The following RGS7 variants were observed in gnomAD, a reference collection of about 807,000 sequenced individuals.
RGS7 encodes the protein regulator of G-protein signaling 7.
RGS7 carries 27 observed loss-of-function variants against 81.1 expected under a neutral mutation model. That is an observed-to-expected ratio of 0.33 (90% confidence interval 0.25 to 0.46). The LOEUF (loss-of-function observed/expected upper bound fraction) is 0.46. Ranked by LOEUF, RGS7 falls within the 20% of genes least tolerant of loss-of-function variation. The pLI, the probability that RGS7 is intolerant of heterozygous loss-of-function variation, is 1.00. For synonymous variants in RGS7, 208 were observed against 207.7 expected, an observed-to-expected ratio of 1.00 and a Z score of -0.01; for missense variants, 396 against 607.4, an observed-to-expected ratio of 0.65 and a Z score of 3.66.
At chr1:241,196,353 CAAG>C (rs755270158) in intron 2 of RGS7, among the ~76,000 whole-genome samples, 12 of 151,814 alleles carry the variant, frequency 7.9e-5, no homozygotes, top group East Asian at 5.8e-4. Context: ...AAAGGATATT[CAAG>C]AAGAAGTAAA....
chr1:240,899,914 C>T (rs1558435999), intron 6 of RGS7, among the ~76,000 whole-genome samples: 1 of 152,184 alleles, frequency 6.6e-6, no homozygotes, highest in African/African-American at 2.4e-5. Context: ...CTGTCAATTT[C>T]AGATACACCA....
intron 3 of RGS7, among the ~76,000 whole-genome samples, chr1:241,006,792 T>C (rs2058704963): frequency 6.6e-6 from 1 of 152,192 alleles, no homozygotes; most frequent in East Asian, 1.9e-4. Flanking sequence ...CCACGAAAGA[T>C]AGCAAGACCA....
intron 2 of RGS7, among the ~76,000 whole-genome samples, chr1:241,206,641 T>C (rs1009344604): frequency 6.6e-6 from 1 of 152,160 alleles, no homozygotes; most frequent in African/African-American, 2.4e-5. Flanking sequence ...TTATTCTTTG[T>C]CACGGTCTTT....
intron 3 of RGS7, among the ~76,000 whole-genome samples, chr1:241,066,249 G>A (rs1170124291): frequency 6.6e-6 from 1 of 152,110 alleles, no homozygotes; most frequent in Non-Finnish European, 1.5e-5. Flanking sequence ...AAGAATGGAT[G>A]AGCAATCAGA....
At chr1:240,850,034 C>A (rs1659824725) in intron 9 of RGS7, among the ~76,000 whole-genome samples, 1 of 152,224 alleles carries the variant, frequency 6.6e-6, no homozygotes, top group South Asian at 2.1e-4. Flanking sequence ...CCTTCAGTAA[C>A]AGCTTCCTCA....
chr1:240,892,929 T>G (rs919458979), intron 6 of RGS7, among the ~76,000 whole-genome samples: 3 of 152,160 alleles, frequency 2.0e-5, no homozygotes, highest in African/African-American at 7.2e-5. Context: ...ATACTTAGTG[T>G]CTTTAGAGCT....
chr1:240,962,942 TG>T (rs1681700369), intron 4 of RGS7, among the ~76,000 whole-genome samples: 1 of 152,206 alleles, frequency 6.6e-6, no homozygotes, highest in Admixed American at 6.5e-5. Context: ...AACGCTTGTT[TG>T]AACATTATCC....
chr1:241,340,730 A>T (rs2082494246), intron 2 of RGS7, among the ~76,000 whole-genome samples: 1 of 152,162 alleles, frequency 6.6e-6, no homozygotes. Context: ...ATTCAAATGG[A>T]AAGAAGATAA....
At chr1:241,352,268 C>G (rs558628066) in intron 2 of RGS7, among the ~76,000 whole-genome samples, 1 of 152,300 alleles carries the variant, frequency 6.6e-6, no homozygotes, top group South Asian at 2.1e-4. Flanking sequence ...TTAGTTGGGT[C>G]TCTTCTTCCT....
chr1:240,887,489 A>G lies in RGS7; in HGVS notation c.386-17370T>C, dbSNP rs371414648. ...GTGATCTGCCCGCCTCGGCCTCCCAAAGTCCTGGGATTACAGGCGTGAGAG... is the reference window on the plus strand; with the variant it reads ...GTGATCTGCCCGCCTCGGCCTCCCAGAGTCCTGGGATTACAGGCGTGAGAG... On this transcript the variant is annotated intron_variant, in intron 6 of 18. Transcript: ENST00000440928. 2.6e-5 allele frequency among the ~76,000 whole-genome samples: 4 copies of G among 152,176 alleles called. No homozygotes were observed. In the South Asian group the frequency reaches 6.2e-4, roughly 24 times the overall value.
intron 18 of RGS7, among the ~76,000 whole-genome samples, chr1:240,781,230 G>A (rs1042115496): frequency 6.6e-6 from 1 of 152,168 alleles, no homozygotes; most frequent in Non-Finnish European, 1.5e-5. Context: ...AGAAATACAG[G>A]CCCACAGTAA....
chr1:241,118,738 C>T (rs183813778), intron 2 of RGS7, among the ~76,000 whole-genome samples: 1 of 152,132 alleles, frequency 6.6e-6, no homozygotes, highest in Non-Finnish European at 1.5e-5. Flanking sequence ...TATGTCCTTC[C>T]CAGCAACATG....
chr1:241,046,009 T>A (rs1199741629), intron 3 of RGS7, among the ~76,000 whole-genome samples: 1 of 152,160 alleles, frequency 6.6e-6, no homozygotes, highest in Non-Finnish European at 1.5e-5. Flanking sequence ...ATTTAGACTT[T>A]TTTTCTCTTT....
At chr1:241,189,753 C>T (rs769931261) in intron 2 of RGS7, among the ~76,000 whole-genome samples, 1 of 152,090 alleles carries the variant, frequency 6.6e-6, no homozygotes, top group South Asian at 2.1e-4. Context: ...GACATTTAAT[C>T]GCTCTAGTAT....
intron 2 of RGS7, among the ~76,000 whole-genome samples, chr1:241,294,543 T>TAAAAAAAA (rs2079280588): frequency 6.6e-6 from 1 of 152,202 alleles, no homozygotes; most frequent in East Asian, 1.9e-4. Context: ...ATAAATTTAG[T>TAAAAAAAA]ATCGCCTAAG....
At chr1:241,060,961 G>GTT (rs2061710590) in intron 3 of RGS7, among the ~76,000 whole-genome samples, 1 of 152,204 alleles carries the variant, frequency 6.6e-6, no homozygotes, top group Non-Finnish European at 1.5e-5. Context: ...AACTCTCCTG[G>GTT]TCAATGGGTC....
intron 3 of RGS7, among the ~76,000 whole-genome samples, chr1:241,086,835 G>A (rs1278753852): frequency 2.0e-5 from 3 of 152,106 alleles, no homozygotes; most frequent in Non-Finnish European, 4.4e-5. Flanking sequence ...GGAGTTCCCA[G>A]AGCTCGCCAG....
intron 2 of RGS7, among the ~76,000 whole-genome samples, chr1:241,110,556 A>C (rs1474770737): frequency 6.6e-6 from 1 of 152,218 alleles, no homozygotes; most frequent in Admixed American, 6.5e-5. Flanking sequence ...GGATTTAGCT[A>C]ATCTCTGAGA....
At chr1:241,089,719 T>C (rs182937754) in intron 3 of RGS7, among the ~76,000 whole-genome samples, 19 of 152,262 alleles carry the variant, frequency 1.2e-4, no homozygotes, top group African/African-American at 4.6e-4. Context: ...TTATCGTAAT[T>C]AGTAAGAACC....
Sources: allele counts gnomAD v4.1 joint callset (sites outside exome capture counted in the v4.1 genomes callset), GRCh38; gene constraint gnomAD v4.1.1; transcripts MANE v1.5; gene names NCBI Gene and HGNC (gene_info 2026-07-23, HGNC 2026-07-21).